The following XPO7 variants were observed in gnomAD, a reference collection of about 807,000 sequenced individuals.
The protein encoded by XPO7 is exportin 7.
A neutral mutation model predicts 144.3 loss-of-function variants in XPO7; 21 were observed. The observed-to-expected ratio is 0.15, with a 90% CI of 0.10 to 0.21. XPO7 has a LOEUF of 0.21. Ranked by LOEUF, XPO7 falls within the 10% of genes least tolerant of loss-of-function variation. XPO7 has a pLI of 1.00. For missense variants in XPO7, 808 were observed against 1,325.8 expected (o/e 0.61, Z 6.06); for synonymous variants, 580 against 499.6 (o/e 1.16, Z -2.15).
intron 19 of XPO7, among the ~76,000 whole-genome samples, chr8:21,993,241 C>T (rs767743984): frequency 2.0e-5 from 3 of 152,122 alleles, no homozygotes; most frequent in Non-Finnish European, 2.9e-5. Context: ...TCATGTAAAG[C>T]AAGTAAAATT....
At chr8:21,925,706 T>C (rs1810437245) in intron 1 of XPO7, among the ~76,000 whole-genome samples, 1 of 152,240 alleles carries the variant, frequency 6.6e-6, no homozygotes, top group Non-Finnish European at 1.5e-5. Flanking sequence ...CTGGATTAAG[T>C]GATCTGTGAA....
chr8:21,955,939 G>A (rs1811522332), intron 1 of XPO7, among the ~76,000 whole-genome samples: 1 of 152,034 alleles, frequency 6.6e-6, no homozygotes, highest in African/African-American at 2.4e-5. Context: ...CTGTTGGCCA[G>A]GATGGTCTTG....
In XPO7 at chr8:21,969,313, GCTA is replaced by G. The variant is rs1563325805; in HGVS notation, c.166-169_166-167del. Among the ~76,000 whole-genome samples the G allele has an allele frequency of 5.9e-3, 588 of 99,654 alleles. 7 individuals are homozygous for G. Among genetic ancestry groups the G allele is most frequent in the African/African-American group, 0.04 (574 of 14,278 alleles). 65.4% of individuals were successfully genotyped at this position (99,654 alleles called of 152,430 possible). On this transcript the variant is annotated intron_variant, in intron 2 of 27. Coordinates refer to ENST00000252512, the MANE Select transcript of XPO7 (RefSeq NM_015024.5). ...TGTTGAAGTCAGCTAATAAACTTAT[GCTA>G]TGTGGTTCATTTTTCCTCAGAGCAG...
intron 10 of XPO7, 97 bp from the exon 11 acceptor site, chr8:21,982,543 A>C (rs1479738810): frequency 1.4e-6 from 2 of 1,409,490 alleles, no homozygotes; most frequent in Admixed American, 5.8e-5. Context: ...TCTTTTTTTA[A>C]AAAAAAGAAA....
In XPO7 at chr8:21,995,361, A is replaced by G. The variant is rs1812911773; in HGVS notation, c.2238-131A>G. 4 of 705,820 alleles carry G rather than the reference A, an allele frequency of 5.7e-6. No homozygotes were observed. The South Asian group carries it at 7.7e-5, about 14-fold the overall frequency. 43.7% of individuals were successfully genotyped at this position (705,820 alleles called of 1,614,324 possible). A position where few individuals can be genotyped will look rare whatever the true frequency, so the allele number is the denominator to read the frequency against. ...ATCTTCTGGTTAGAAAGACTCCAAG[A>G]TTAGCAAGCAAGAGACAGGAACTTA... On this transcript the variant is annotated intron_variant, in intron 20 of 27. Coordinates refer to ENST00000252512, the MANE Select transcript of XPO7 (RefSeq NM_015024.5).
intron 9 of XPO7, among the ~76,000 whole-genome samples, chr8:21,980,414 G>C (rs1812365947): frequency 6.6e-6 from 1 of 152,136 alleles, no homozygotes; most frequent in Non-Finnish European, 1.5e-5. Flanking sequence ...GGAGTTACAG[G>C]AAAGAATCAC....
intron 1 of XPO7, among the ~76,000 whole-genome samples, chr8:21,963,194 T>C (rs1811779655): frequency 6.6e-6 from 1 of 152,224 alleles, no homozygotes; most frequent in Non-Finnish European, 1.5e-5. Context: ...GATGGCAGCT[T>C]CTGCTCATCT....
At chr8:22,000,001 A>G (rs942462046) in intron 24 of XPO7, among the ~76,000 whole-genome samples, 9 of 152,184 alleles carry the variant, frequency 5.9e-5, no homozygotes, top group Admixed American at 2.0e-4. Context: ...AAACATTACA[A>G]TAGGGGTGAG....
chr8:21,977,553 C>G (rs1017284625), intron 7 of XPO7, among the ~76,000 whole-genome samples: 5 of 152,176 alleles, frequency 3.3e-5, no homozygotes, highest in African/African-American at 1.2e-4. Context: ...CCATTGCACT[C>G]CAGCCTGGGC....
At chr8:21,991,056 G>A in intron 18 of XPO7, 137 bp downstream of exon 18, 1 of 760,726 alleles carries the variant, frequency 1.3e-6, no homozygotes. Context: ...ATAACAGCCT[G>A]ATTTCACCAA....
intron 1 of XPO7, among the ~76,000 whole-genome samples, chr8:21,925,004 A>G (rs369142220): frequency 1.3e-4 from 20 of 152,224 alleles, no homozygotes; most frequent in African/African-American, 4.6e-4. Flanking sequence ...GAGCATCACA[A>G]CAAGCCTGGT....
intron 4 of XPO7, 117 bp downstream of exon 4, chr8:21,970,427 C>T (rs1812019105): frequency 9.6e-7 from 1 of 1,046,632 alleles, no homozygotes; most frequent in South Asian, 1.9e-5. Context: ...AAACATGACA[C>T]AAAATAGAAT....
chr8:21,965,568 A>T (rs1256614604), intron 1 of XPO7, among the ~76,000 whole-genome samples: 1 of 152,198 alleles, frequency 6.6e-6, no homozygotes, highest in African/African-American at 2.4e-5. Context: ...TTTTAAGGGC[A>T]AGGTTGTTGT....
intron 5 of XPO7, among the ~76,000 whole-genome samples, chr8:21,973,501 A>T (rs937656406): frequency 3.7e-4 from 56 of 152,350 alleles, no homozygotes; most frequent in African/African-American, 1.3e-3. Context: ...GAGCCTCTAA[A>T]TAATTTGAAT....
chr8:22,001,122 G>A (rs1425746027), intron 24 of XPO7, among the ~76,000 whole-genome samples: 2 of 152,058 alleles, frequency 1.3e-5, no homozygotes, highest in African/African-American at 4.8e-5. Flanking sequence ...AGACCAGCCT[G>A]GCCAATATGG....
At chr8:21,974,293 T>A (rs1054526829) in intron 5 of XPO7, among the ~76,000 whole-genome samples, 1 of 152,144 alleles carries the variant, frequency 6.6e-6, no homozygotes, top group Non-Finnish European at 1.5e-5. Flanking sequence ...CCTCCCAAAG[T>A]TCTAGAATTA....
chr8:21,975,252 C>A (rs1172339416), intron 6 of XPO7, among the ~76,000 whole-genome samples: 7 of 152,188 alleles, frequency 4.6e-5, no homozygotes, highest in Admixed American at 4.6e-4. Context: ...AGCACATAAA[C>A]AAGTAACATC....
At chr8:22,003,084 C>A in intron 25 of XPO7, 135 bp from the exon 26 acceptor site, 1 of 510,442 alleles carries the variant, frequency 2.0e-6, no homozygotes. Flanking sequence ...GATGAAGCTT[C>A]ACAAACTATT....
At chr8:22,003,735 G>C (rs1006080979) in intron 26 of XPO7, among the ~76,000 whole-genome samples, 168 bp from the exon 27 acceptor site, 1 of 152,172 alleles carries the variant, frequency 6.6e-6, no homozygotes, top group Non-Finnish European at 1.5e-5. Context: ...GTAGGATGAA[G>C]CCATATTATC....
Sources: gnomAD v4.1 joint callset for allele counts (sites outside exome capture counted in the v4.1 genomes callset) on GRCh38, gnomAD v4.1.1 for gene constraint, MANE v1.5 for transcripts, NCBI Gene and HGNC (gene_info 2026-07-23, HGNC 2026-07-21) for gene names.